TMEM231: variants seen among roughly 807,000 people sequenced by gnomAD.
TMEM231 encodes transmembrane protein 231.
Under a neutral mutation model 38.5 loss-of-function variants are expected in TMEM231, and 40 were observed. The observed-to-expected ratio is 1.04, with a 90% CI of 0.81 to 1.35. TMEM231 has a LOEUF of 1.35. TMEM231 is among the 40% of genes most tolerant of loss of function. The pLI is 0.00. For missense variants in TMEM231, 420 were observed against 416.9 expected (o/e 1.01, Z -0.07); for synonymous variants, 199 against 181.7 (o/e 1.10, Z -0.77).
At chr16:75,553,621 CAAAAAAAAAAAAA>C (rs60225459) in intron 2 of TMEM231, among the ~76,000 whole-genome samples, 1 of 91,626 alleles carries the variant, frequency 1.1e-5, no homozygotes, top group African/African-American at 3.5e-5. Flanking sequence ...AACTCTGTTG[CAAAAAAAAAAAAA>C]AAAAAGAAAA....
chr16:75,540,240 T>A (rs1167064221), intron 6 of TMEM231, 66 bp from the exon 7 acceptor site: 5 of 1,493,128 alleles, frequency 3.3e-6, no homozygotes, highest in Non-Finnish European at 4.5e-6. Context: ...CAAGATGGAA[T>A]TGGCTGTGGC....
In TMEM231 at chr16:75,537,744, C is replaced by T. The variant is rs2080575118; in HGVS notation, c.*2250G>A. ...TTGTGATTCACCCACCTCGGCCTCCCAAAGTGCTGGGATTACAGGCGTGAG... is the reference window on the plus strand; with the variant it reads ...TTGTGATTCACCCACCTCGGCCTCCTAAAGTGCTGGGATTACAGGCGTGAG... On this transcript the variant is annotated 3_prime_UTR_variant, in exon 7 of 7. Transcript: ENST00000258173. The T allele has an allele frequency of 6.6e-6, 1 of 152,238 alleles. No individual in the cohort carries two copies. The highest frequency in any genetic ancestry group is 2.4e-5 in the African/African-American group (1 of 41,458). 9.4% of individuals were successfully genotyped at this position (152,238 alleles called of 1,614,324 possible). A position where few individuals can be genotyped will look rare whatever the true frequency, so the allele number is the denominator to read the frequency against.
chr16:75,547,018 A>T (rs1258826638), intron 2 of TMEM231, among the ~76,000 whole-genome samples: 1 of 152,258 alleles, frequency 6.6e-6, no homozygotes, highest in East Asian at 1.9e-4. Context: ...AGTGAAAAAA[A>T]ACTGGTATCC....
At chr16:75,548,733 G>C (rs995392623) in intron 2 of TMEM231, among the ~76,000 whole-genome samples, 1 of 152,160 alleles carries the variant, frequency 6.6e-6, no homozygotes, top group Non-Finnish European at 1.5e-5. Flanking sequence ...GCTAGGCATG[G>C]TGGCGTGCAC....
chr16:75,550,190 C>T (rs1264003845), intron 2 of TMEM231, among the ~76,000 whole-genome samples: 1 of 152,128 alleles, frequency 6.6e-6, no homozygotes, highest in Non-Finnish European at 1.5e-5. Flanking sequence ...GAAGAGGCCT[C>T]GAAGAGCTGA....
chr16:75,552,192 G>A (rs2080770453), intron 2 of TMEM231, among the ~76,000 whole-genome samples: 1 of 152,122 alleles, frequency 6.6e-6, no homozygotes, highest in African/African-American at 2.4e-5. Flanking sequence ...GGTGGCTCAT[G>A]CCTATAGTCC....
chr16:75,553,058 C>A (rs2080779010), intron 2 of TMEM231, among the ~76,000 whole-genome samples: 2 of 152,190 alleles, frequency 1.3e-5, no homozygotes. Context: ...GAGACGCTGT[C>A]CAGGATGAGC....
chr16:75,542,735 T>A, intron 4 of TMEM231, 52 bp from the exon 5 acceptor site: 2 of 1,560,460 alleles, frequency 1.3e-6, no homozygotes, highest in Non-Finnish European at 1.8e-6. Context: ...CTCCTCCCCT[T>A]TTCCTTCTAC....
At chr16:75,544,344 G>T (rs934600605) in intron 4 of TMEM231, among the ~76,000 whole-genome samples, 1 of 152,204 alleles carries the variant, frequency 6.6e-6, no homozygotes. Context: ...TGGGCTTGGG[G>T]ATATCTGAAC....
chr16:75,555,628 CAG>C (rs1352266943), intron 2 of TMEM231, 174 bp downstream of exon 2: 2 of 588,208 alleles, frequency 3.4e-6, no homozygotes, highest in African/African-American at 3.9e-5. Flanking sequence ...CAGAATGAAA[CAG>C]AAGATCGATT....
intron 4 of TMEM231, among the ~76,000 whole-genome samples, chr16:75,543,908 TG>T (rs1470248285): frequency 3.3e-5 from 5 of 152,240 alleles, no homozygotes; most frequent in African/African-American, 1.2e-4. Context: ...GGTTTATGGC[TG>T]TAATAACCGA....
upstream of TMEM231, chr16:75,556,270 A>G: frequency 2.2e-6 from 3 of 1,390,158 alleles, no homozygotes; most frequent in South Asian, 1.6e-5. Flanking sequence ...CCTGGTTGCC[A>G]TCGCCTCGGT....
In TMEM231 at chr16:75,537,896, C is replaced by A. The variant is rs2080576772; in HGVS notation, c.*2098G>T. On this transcript the variant is annotated 3_prime_UTR_variant, in exon 7 of 7. Transcript: ENST00000258173. ...ACCAGACACAGTCATAATTATCCAA[C>A]ACGTAGATTTCACATGGCATGTGAA... The A allele has an allele frequency of 6.6e-6, 1 of 152,184 alleles. No individual in the cohort carries two copies. The highest frequency in any genetic ancestry group is 2.4e-5 in the African/African-American group (1 of 41,440). 9.4% of individuals were successfully genotyped at this position (152,184 alleles called of 1,614,324 possible).
rs746632596 is a variant in TMEM231 at position 75,556,047 on chromosome 16, G to A, written c.139+24C>T. 1.3e-6 allele frequency: 2 copies of A among 1,566,006 alleles called. No individual in the cohort carries two copies. Among genetic ancestry groups the A allele is most frequent in the African/African-American group, 1.4e-5 (1 of 73,536 alleles). Reference sequence around the variant, plus strand: ...CCGAGCGCGCCCGGGGAGCCTCGTGGCACAGCGGCCGGGGCAGGCTCACCG... The same window carrying A: ...CCGAGCGCGCCCGGGGAGCCTCGTGACACAGCGGCCGGGGCAGGCTCACCG... On this transcript the variant is annotated intron_variant, in intron 1 of 6. Transcript: ENST00000258173.
chr16:75,548,064 C>A (rs978113668), intron 2 of TMEM231, among the ~76,000 whole-genome samples: 6 of 152,160 alleles, frequency 3.9e-5, no homozygotes, highest in African/African-American at 1.4e-4. Flanking sequence ...GCAGGCAGAA[C>A]AGGTATTTTC....
intron 2 of TMEM231, chr16:75,555,599 C>T (rs1157389640): frequency 5.8e-6 from 3 of 518,618 alleles, no homozygotes; most frequent in Non-Finnish European, 9.7e-6. Context: ...TTCTGGGGGC[C>T]GGGGACATCT....
intron 2 of TMEM231, among the ~76,000 whole-genome samples, chr16:75,551,386 G>T (rs2080759094): frequency 6.6e-6 from 1 of 151,816 alleles, no homozygotes; most frequent in Non-Finnish European, 1.5e-5. Context: ...TTTATAGTAG[G>T]GCCTCACTAT....
chr16:75,540,603 C>CT (rs1204211972), intron 6 of TMEM231, among the ~76,000 whole-genome samples: 1 of 152,194 alleles, frequency 6.6e-6, no homozygotes, highest in Admixed American at 6.5e-5. Flanking sequence ...AATGCCTTCT[C>CT]TTTTGTTTGC....
At chr16:75,542,871 G>GAGC (rs1324977128) in intron 4 of TMEM231, among the ~76,000 whole-genome samples, 188 bp from the exon 5 acceptor site, 2 of 151,864 alleles carry the variant, frequency 1.3e-5, no homozygotes, top group Admixed American at 6.6e-5. Flanking sequence ...TGGTCCCACA[G>GAGC]AGCACCCTCT....
Sources: gnomAD v4.1 joint callset for allele counts (sites outside exome capture counted in the v4.1 genomes callset) on GRCh38, gnomAD v4.1.1 for gene constraint, MANE v1.5 for transcripts, NCBI Gene and HGNC (gene_info 2026-07-23, HGNC 2026-07-21) for gene names.